Variants in SCLT1 observed in about 807,000 individuals in gnomAD.
SCLT1 encodes the protein sodium channel and clathrin linker 1, also known as sodium channel-associated protein 1.
In SCLT1, 78 loss-of-function variants were observed where a neutral mutation model predicts 112.8. That is an observed-to-expected ratio of 0.69 (90% CI 0.58 to 0.83). The LOEUF (loss-of-function observed/expected upper bound fraction) is 0.83, where lower values mean the gene tolerates loss of function less well. Ranked by LOEUF, SCLT1 falls within the 40% of genes least tolerant of loss-of-function variation. SCLT1 has a pLI of 0.00. For missense variants in SCLT1, 747 were observed against 770.4 expected (o/e 0.97, Z 0.36); for synonymous variants, 257 against 254.7 (o/e 1.01, Z -0.09).
At chr4:128,985,609 C>T (rs1742020794) in intron 9 of SCLT1, among the ~76,000 whole-genome samples, 2 of 152,200 alleles carry the variant, frequency 1.3e-5, no homozygotes, top group East Asian at 3.8e-4. Context: ...TAAATGTCTT[C>T]TCACTGACTA....
chr4:128,996,584 C>T (rs1743033631), intron 8 of SCLT1, among the ~76,000 whole-genome samples: 1 of 152,082 alleles, frequency 6.6e-6, no homozygotes, highest in Non-Finnish European at 1.5e-5. Flanking sequence ...TTATACTTAT[C>T]AGTCTTGTTT....
chr4:128,960,044 A>T (rs1388513030), intron 11 of SCLT1, among the ~76,000 whole-genome samples: 1 of 152,170 alleles, frequency 6.6e-6, no homozygotes, highest in Non-Finnish European at 1.5e-5. Context: ...CTAAGCCTGG[A>T]TTTTCTGATC....
At position 128,907,496 on chromosome 4, in the gene SCLT1, G is replaced by A. The variant is rs949826103; in HGVS notation, c.1830-16359C>T. ...ACCCAGAGTTTTTCTTGAGCAACTG[G>A]GTAGATGATATTACCATTCACAGAA... On this transcript the variant is annotated intron_variant, in intron 18 of 20. Coordinates refer to ENST00000281142, the MANE Select transcript of SCLT1 (RefSeq NM_144643.4). Among the ~76,000 whole-genome samples the A allele has an allele frequency of 2.0e-5, 3 of 152,084 alleles. No individual in the cohort carries two copies. The South Asian group carries it at 6.2e-4, about 32-fold the overall frequency.
At chr4:128,917,999 AG>A (rs1339142379) in intron 18 of SCLT1, among the ~76,000 whole-genome samples, 1 of 152,182 alleles carries the variant, frequency 6.6e-6, no homozygotes, top group East Asian at 1.9e-4. Context: ...ACAAAGCAGA[AG>A]AAAAAACGTA....
chr4:129,004,215 T>C (rs1030972498), intron 5 of SCLT1, among the ~76,000 whole-genome samples: 9 of 152,192 alleles, frequency 5.9e-5, no homozygotes, highest in South Asian at 2.1e-4. Flanking sequence ...TTCAGAAAAA[T>C]TCTAAAATAT....
intron 14 of SCLT1, among the ~76,000 whole-genome samples, chr4:128,949,480 T>G (rs561833484): frequency 6.6e-6 from 1 of 152,180 alleles, no homozygotes; most frequent in East Asian, 1.9e-4. Context: ...CTGCACCCAT[T>G]AACTCATCAT....
At chr4:128,949,993 C>T (rs1738578489) in intron 14 of SCLT1, among the ~76,000 whole-genome samples, 1 of 151,950 alleles carries the variant, frequency 6.6e-6, no homozygotes, top group African/African-American at 2.4e-5. Flanking sequence ...TCTTTTGTGA[C>T]CCAAAATTAA....
chr4:128,927,577 A>G (rs75726745), intron 18 of SCLT1, among the ~76,000 whole-genome samples: 2 of 147,506 alleles, frequency 1.4e-5, no homozygotes, highest in African/African-American at 2.5e-5. Context: ...CCTGTCTCAG[A>G]AAAAAAAAAA....
intron 18 of SCLT1, among the ~76,000 whole-genome samples, chr4:128,922,804 AAACC>A (rs1414782134): frequency 3.9e-5 from 6 of 152,176 alleles, no homozygotes; most frequent in East Asian, 1.9e-4. Context: ...AATAGTTAAC[AAACC>A]AACCAACCAA....
chr4:128,898,493 A>G (rs1428734976), intron 18 of SCLT1, among the ~76,000 whole-genome samples: 12 of 152,242 alleles, frequency 7.9e-5, no homozygotes, highest in Admixed American at 6.5e-5. Context: ...AAGACACAAC[A>G]TACCAGAATC....
chr4:129,010,460 T>C (rs1254610871), intron 5 of SCLT1, among the ~76,000 whole-genome samples: 3 of 152,234 alleles, frequency 2.0e-5, no homozygotes, highest in African/African-American at 7.2e-5. Flanking sequence ...AGAATCTCAA[T>C]GGTAGTTTAA....
intron 2 of SCLT1, among the ~76,000 whole-genome samples, chr4:129,078,240 A>G (rs892445415): frequency 2.6e-5 from 4 of 152,246 alleles, no homozygotes; most frequent in African/African-American, 7.2e-5. Context: ...TTTAATTAGT[A>G]TAATCACAAT....
At chr4:128,998,438 C>T (rs1020553215) in intron 7 of SCLT1, among the ~76,000 whole-genome samples, 19 of 151,454 alleles carry the variant, frequency 1.3e-4, no homozygotes, top group African/African-American at 1.5e-4. Context: ...TTTGTACAGA[C>T]GACACAAAGT....
At chr4:128,915,037 C>A (rs1735372564) in intron 18 of SCLT1, among the ~76,000 whole-genome samples, 1 of 152,088 alleles carries the variant, frequency 6.6e-6, no homozygotes, top group African/African-American at 2.4e-5. Context: ...TGTTGCACTG[C>A]TGGCTAGCAC....
chr4:128,904,796 T>C (rs1359274363), intron 18 of SCLT1, among the ~76,000 whole-genome samples: 1 of 152,172 alleles, frequency 6.6e-6, no homozygotes, highest in Non-Finnish European at 1.5e-5. Context: ...GATTGTAATC[T>C]CAACTTTTTG....
chr4:128,971,005 T>C (rs953880659), intron 9 of SCLT1: 4 of 152,174 alleles, frequency 2.6e-5, no homozygotes. Context: ...AGAGACTGTA[T>C]TGGCAACAAA....
At chr4:128,938,695 C>T (rs1737418714) in intron 17 of SCLT1, among the ~76,000 whole-genome samples, 1 of 152,074 alleles carries the variant, frequency 6.6e-6, no homozygotes, top group Admixed American at 6.6e-5. Context: ...AAAAACTGAT[C>T]TATGGGCCAG....
At chr4:129,005,557 CA>C (rs1743922988) in intron 5 of SCLT1, among the ~76,000 whole-genome samples, 1 of 152,174 alleles carries the variant, frequency 6.6e-6, no homozygotes, top group Non-Finnish European at 1.5e-5. Context: ...AACACCTTTA[CA>C]CTGTTGGTGG....
chr4:128,950,079 A>G (rs1430867070), intron 14 of SCLT1, among the ~76,000 whole-genome samples: 3 of 152,284 alleles, frequency 2.0e-5, no homozygotes, highest in Non-Finnish European at 4.4e-5. Context: ...ATCTTTTATT[A>G]AGATAGAACC....
Sources: allele counts gnomAD v4.1 joint callset (sites outside exome capture counted in the v4.1 genomes callset), GRCh38; gene constraint gnomAD v4.1.1; transcripts MANE v1.5; gene names NCBI Gene and HGNC (gene_info 2026-07-23, HGNC 2026-07-21).